Variants in NCOA1 observed in about 807,000 individuals in gnomAD.
The protein encoded by NCOA1 is nuclear receptor coactivator 1.
In NCOA1, 35 loss-of-function variants were observed where a neutral mutation model predicts 150.9. The ratio of observed to expected loss-of-function variants is 0.23; its 90% CI spans 0.18 to 0.31. NCOA1 has a LOEUF of 0.31. NCOA1 is among the 10% of genes least tolerant of loss of function. The pLI is 1.00. For synonymous variants in NCOA1, 590 were observed against 630.0 expected (o/e 0.94, Z 0.95); for missense variants, 1,491 against 1,749.3 (o/e 0.85, Z 2.63).
At chr2:24,539,745 CTG>C (rs1449131613) in intron 1 of NCOA1, among the ~76,000 whole-genome samples, 1 of 152,140 alleles carries the variant, frequency 6.6e-6, no homozygotes, top group Admixed American at 6.5e-5. Flanking sequence ...AAATCAAAAA[CTG>C]TGAAGAATTT....
rs748492139 is a variant in NCOA1, at chr2:24,706,987, A to G, written c.1517A>G (p.Asn506Ser). The change falls in exon 13 of 23, where the codon AAT (asparagine) becomes AGT (serine). Residue 506 changes from asparagine to serine, a missense_variant. This residue lies in a region of NCOA1 where 703 missense variants were observed against 717.7 expected (regional missense o/e 0.98). Coordinates refer to ENST00000348332, the MANE Select transcript of NCOA1 (RefSeq NM_003743.5). Reference sequence around the variant, plus strand: ...GCAACAAGGCCCAGGATGCCAAACAATTCCTTTCCTCCTAATATTTCGACA... The same window carrying G: ...GCAACAAGGCCCAGGATGCCAAACAGTTCCTTTCCTCCTAATATTTCGACA... ...GLATRPRMPN[N>S]SFPPNISTLS... The G allele has an allele frequency of 1.4e-5, 22 of 1,614,042 alleles. No homozygotes were observed. The South Asian group carries it at 1.9e-4, about 14-fold the overall frequency.
intron 4 of NCOA1, among the ~76,000 whole-genome samples, chr2:24,651,139 A>T (rs994501058): frequency 6.6e-6 from 1 of 151,996 alleles, no homozygotes; most frequent in Non-Finnish European, 1.5e-5. Flanking sequence ...AACAGTATAG[A>T]TACTCCTAAG....
At chr2:24,671,216 A>G (rs574027092) in intron 6 of NCOA1, among the ~76,000 whole-genome samples, 2 of 152,374 alleles carry the variant, frequency 1.3e-5, no homozygotes, top group South Asian at 4.1e-4. Flanking sequence ...ACCTACATGT[A>G]TCAATGTGGT....
intron 6 of NCOA1, among the ~76,000 whole-genome samples, chr2:24,668,411 TAAAC>T (rs1292874803): frequency 2.0e-5 from 3 of 151,758 alleles, no homozygotes; most frequent in Admixed American, 6.6e-5. Context: ...ACCAGGGAGA[TAAAC>T]AAGAGAGAAG....
intron 1 of NCOA1, among the ~76,000 whole-genome samples, chr2:24,550,639 A>G (rs1031796244): frequency 6.6e-6 from 1 of 152,232 alleles, no homozygotes; most frequent in Non-Finnish European, 1.5e-5. Flanking sequence ...GACACAGCCA[A>G]ACCATATCAG....
intron 13 of NCOA1, among the ~76,000 whole-genome samples, chr2:24,710,160 C>G (rs1673670209): frequency 1.3e-5 from 2 of 152,064 alleles, no homozygotes; most frequent in African/African-American, 2.4e-5. Flanking sequence ...GTGGCACGAT[C>G]TCGGCTCACT....
At chr2:24,746,623 G>A (rs563397944) in intron 19 of NCOA1, among the ~76,000 whole-genome samples, 16 of 152,070 alleles carry the variant, frequency 1.1e-4, no homozygotes, top group Non-Finnish European at 1.8e-4. Context: ...TCTGATTGAT[G>A]CAAGTTATCC....
At chr2:24,509,798 TA>T (rs1206473995) in intron 1 of NCOA1, among the ~76,000 whole-genome samples, 1 of 152,174 alleles carries the variant, frequency 6.6e-6, no homozygotes, top group Non-Finnish European at 1.5e-5. Flanking sequence ...TTCTTTTTTC[TA>T]AAAGGACAAA....
Position 24,707,489 on chromosome 2 carries a change from A to G in NCOA1, c.2019A>G (p.Gly673=). The change falls in exon 13 of 23, where the codon GGA becomes GGG. Residue 673 remains glycine, a synonymous_variant. Transcript: ENST00000348332. ...ACTCTGCCTCTGCTAACTCTTCAGGAGGTTCTTGTCCCTCTTCTCATAGCT... is the reference window on the plus strand; with the variant it reads ...ACTCTGCCTCTGCTAACTCTTCAGGGGGTTCTTGTCCCTCTTCTCATAGCT... The part of the protein sequence containing the change: ...TSNSASANSS[G]GSCPSSHSSL... 3.1e-6 allele frequency: 5 copies of G among 1,614,182 alleles called. No homozygotes were observed. Among genetic ancestry groups the G allele is most frequent in the Non-Finnish European group, 2.5e-6 (3 of 1,180,026 alleles).
intron 3 of NCOA1, among the ~76,000 whole-genome samples, chr2:24,612,950 C>T (rs571687929): frequency 2.6e-5 from 4 of 152,094 alleles, no homozygotes; most frequent in South Asian, 2.1e-4. Context: ...GGTGTCACTA[C>T]GATCAGATTT....
intron 1 of NCOA1, among the ~76,000 whole-genome samples, chr2:24,524,471 A>G (rs551106624): frequency 5.9e-5 from 9 of 151,550 alleles, no homozygotes; most frequent in Admixed American, 2.6e-4. Flanking sequence ...CTTTTAAATT[A>G]TTTTGTAGAG....
At chr2:24,713,771 A>G (rs1192492059) in intron 14 of NCOA1, among the ~76,000 whole-genome samples, 4 of 152,224 alleles carry the variant, frequency 2.6e-5, no homozygotes, top group African/African-American at 9.6e-5. Context: ...TACAGGTAGG[A>G]GGAACCCAAA....
chr2:24,618,447 TG>T (rs1423974658), intron 3 of NCOA1, among the ~76,000 whole-genome samples: 2 of 152,186 alleles, frequency 1.3e-5, no homozygotes, highest in African/African-American at 4.8e-5. Flanking sequence ...TGTTATTCCT[TG>T]TAACTAGTTT....
chr2:24,696,166 C>T (rs1558294300), intron 10 of NCOA1, among the ~76,000 whole-genome samples: 1 of 152,044 alleles, frequency 6.6e-6, no homozygotes, highest in Non-Finnish European at 1.5e-5. Flanking sequence ...ACATTTATGC[C>T]AAGACTTAGG....
intron 1 of NCOA1, among the ~76,000 whole-genome samples, chr2:24,554,014 A>G (rs1665969214): frequency 6.6e-6 from 1 of 152,220 alleles, no homozygotes; most frequent in Admixed American, 6.5e-5. Context: ...TTCCCTAATT[A>G]TCCCTTTAAT....
At chr2:24,593,704 C>T (rs1426893296) in intron 3 of NCOA1, among the ~76,000 whole-genome samples, 1 of 152,082 alleles carries the variant, frequency 6.6e-6, no homozygotes, top group Admixed American at 6.6e-5. Context: ...AGTTATATGC[C>T]TGGTGTCACA....
chr2:24,582,199 T>G (rs1438993505), intron 2 of NCOA1, among the ~76,000 whole-genome samples: 1 of 152,156 alleles, frequency 6.6e-6, no homozygotes, highest in African/African-American at 2.4e-5. Context: ...ATCTTATATA[T>G]AGAAAAACCT....
intron 1 of NCOA1, among the ~76,000 whole-genome samples, chr2:24,508,357 G>A (rs927420027): frequency 1.8e-4 from 28 of 152,066 alleles, no homozygotes; most frequent in African/African-American, 6.3e-4. Context: ...TTATAGCATA[G>A]GCAGAGTAAA....
intron 3 of NCOA1, among the ~76,000 whole-genome samples, chr2:24,600,058 A>G (rs1466461750): frequency 1.3e-5 from 2 of 152,054 alleles, no homozygotes; most frequent in Non-Finnish European, 2.9e-5. Context: ...CCTTAGTCCT[A>G]TTATATAAAT....
Sources: gnomAD v4.1 joint callset for allele counts (sites outside exome capture counted in the v4.1 genomes callset) on GRCh38, gnomAD v4.1.1 for gene constraint, gnomAD v4.1.1 regional missense constraint, MANE v1.5 for transcripts, NCBI Gene and HGNC (gene_info 2026-07-23, HGNC 2026-07-21) for gene names.